The following EYS variants were observed in gnomAD, a reference collection of about 807,000 sequenced individuals.
EYS encodes EGF-like photoreceptor maintenance factor.
In EYS, 250 loss-of-function variants were observed where a neutral mutation model predicts 282.1. The observed-to-expected ratio is 0.89, with a 90% CI of 0.80 to 0.98. EYS has a LOEUF of 0.98. Ranked by LOEUF, EYS falls within the 50% of genes least tolerant of loss-of-function variation. The probability of loss-of-function intolerance (pLI) is 0.00; values close to 1 mark genes in which losing one functional copy is unlikely to be tolerated. For synonymous variants in EYS, 1,355 were observed against 1,282.9 expected, an observed-to-expected ratio of 1.06 and a Z score of -1.20; for missense variants, 4,016 against 3,709.0, an observed-to-expected ratio of 1.08 and a Z score of -2.15.
chr6:64,403,413 G>A (rs1031041334), intron 28 of EYS, among the ~76,000 whole-genome samples: 1 of 152,002 alleles, frequency 6.6e-6, no homozygotes, highest in African/African-American at 2.4e-5. Context: ...GTGTAGTGCA[G>A]TGGTGCAATC....
intron 7 of EYS, among the ~76,000 whole-genome samples, chr6:65,388,771 A>G (rs1395040061): frequency 6.6e-6 from 1 of 152,088 alleles, no homozygotes; most frequent in Non-Finnish European, 1.5e-5. Flanking sequence ...ATTTTAAAAC[A>G]TATATATTCT....
chr6:65,259,804 A>G (rs1222860188), intron 12 of EYS, among the ~76,000 whole-genome samples: 2 of 152,050 alleles, frequency 1.3e-5, no homozygotes, highest in Admixed American at 6.6e-5. Flanking sequence ...AAATTCAACC[A>G]AAAGTACAGA....
At chr6:65,389,427 C>T (rs1330429440) in intron 7 of EYS, among the ~76,000 whole-genome samples, 2 of 152,234 alleles carry the variant, frequency 1.3e-5, no homozygotes, top group East Asian at 1.9e-4. Flanking sequence ...CACATTCCCT[C>T]GCATCATTCA....
chr6:64,927,177 A>G (rs1768545603), intron 15 of EYS, among the ~76,000 whole-genome samples: 1 of 152,206 alleles, frequency 6.6e-6, no homozygotes, highest in South Asian at 2.1e-4. Flanking sequence ...ATTAGCTCGA[A>G]TAATGTGCTC....
At chr6:65,619,305 C>A (rs1255701696) in intron 2 of EYS, among the ~76,000 whole-genome samples, 1 of 151,422 alleles carries the variant, frequency 6.6e-6, no homozygotes, top group Non-Finnish European at 1.5e-5. Context: ...ATTTTATTCT[C>A]TTTGAAGCAA....
At chr6:64,263,958 T>C (rs182125437) in intron 30 of EYS, among the ~76,000 whole-genome samples, 176 of 152,316 alleles carry the variant, frequency 1.2e-3, no homozygotes, top group African/African-American at 4.1e-3. Context: ...AGTGCTTTAA[T>C]ATGTAGGACT....
At chr6:65,650,757 C>G (rs1767623675) in intron 1 of EYS, among the ~76,000 whole-genome samples, 1 of 152,162 alleles carries the variant, frequency 6.6e-6, no homozygotes, top group Admixed American at 6.6e-5. Flanking sequence ...AAAAACAGCT[C>G]TAGCTGCTGA....
At chr6:65,047,962 G>T (rs1352280769) in intron 13 of EYS, among the ~76,000 whole-genome samples, 1 of 151,714 alleles carries the variant, frequency 6.6e-6, no homozygotes, top group Admixed American at 6.6e-5. Flanking sequence ...GGGAAATGAG[G>T]TGATAAATGT....
intron 30 of EYS, among the ~76,000 whole-genome samples, chr6:64,301,269 G>T (rs537930310): frequency 4.2e-4 from 64 of 152,282 alleles, no homozygotes; most frequent in African/African-American, 1.4e-3. Context: ...CTACTGATAG[G>T]TTGCAAAATC....
At chr6:64,615,574 A>AATAC in intron 24 of EYS, among the ~76,000 whole-genome samples, 1 of 152,254 alleles carries the variant, frequency 6.6e-6, no homozygotes, top group East Asian at 1.9e-4. Context: ...ATTTAGAGTA[A>AATAC]ATACATACTG....
chr6:65,572,643 C>T (rs2127353702), intron 2 of EYS, among the ~76,000 whole-genome samples: 1 of 152,092 alleles, frequency 6.6e-6, no homozygotes, highest in East Asian at 1.9e-4. Context: ...CAGGCGATAC[C>T]ATGTAGTCTA....
chr6:64,009,379 G>T (rs984739705), intron 33 of EYS, among the ~76,000 whole-genome samples: 4 of 151,544 alleles, frequency 2.6e-5, no homozygotes, highest in Admixed American at 6.6e-5. Flanking sequence ...CGCCCCCCAG[G>T]TTCATGCCAT....
chr6:64,460,260 C>T (rs1292514613), intron 26 of EYS, among the ~76,000 whole-genome samples: 5 of 152,038 alleles, frequency 3.3e-5, no homozygotes, highest in Admixed American at 3.3e-4. Flanking sequence ...CCTTCAGAAG[C>T]CATTGGATTT....
intron 12 of EYS, among the ~76,000 whole-genome samples, chr6:65,267,243 T>C (rs960476390): frequency 2.0e-5 from 3 of 151,922 alleles, no homozygotes; most frequent in African/African-American, 7.2e-5. Context: ...TATAATATTT[T>C]TCTTGATATT....
intron 12 of EYS, among the ~76,000 whole-genome samples, chr6:65,104,009 T>C (rs564672552): frequency 6.6e-6 from 1 of 151,562 alleles, no homozygotes; most frequent in Non-Finnish European, 1.5e-5. Flanking sequence ...ATCTTGTTGT[T>C]CATGACTCTA....
intron 11 of EYS, chr6:65,329,446 G>GA: frequency 2.1e-6 from 2 of 947,958 alleles, no homozygotes; most frequent in African/African-American, 3.6e-5. Context: ...AATAAAGAGA[G>GA]AAAATATATC....
chr6:64,042,322 G>A (rs1339358901), intron 33 of EYS, among the ~76,000 whole-genome samples: 1 of 152,148 alleles, frequency 6.6e-6, no homozygotes, highest in African/African-American at 2.4e-5. Flanking sequence ...TTGCTTCTCA[G>A]TTAGTAACAG....
In EYS at chr6:65,564,617, A is replaced by C. The variant is rs148456895; in HGVS notation, c.-332-68624T>G. ...CCCCTTCCTTACACCTTATACAAAA[A>C]TTAACTCAAGATGGATTAAAGCTTT... On this transcript the variant is annotated intron_variant, in intron 2 of 42. Transcript: ENST00000503581. Among the ~76,000 whole-genome samples the C allele has an allele frequency of 8.6e-3, 1,303 of 152,288 alleles. 11 individuals are homozygous for C. Among genetic ancestry groups the C allele is most frequent in the Non-Finnish European group, 0.012 (842 of 68,022 alleles).
At chr6:65,699,164 C>T (rs373567349) in intron 1 of EYS, among the ~76,000 whole-genome samples, 23 of 152,130 alleles carry the variant, frequency 1.5e-4, no homozygotes, top group African/African-American at 4.6e-4. Flanking sequence ...TACTTGCATA[C>T]GTATTCGTTT....
Sources: gnomAD v4.1 joint callset for allele counts (sites outside exome capture counted in the v4.1 genomes callset) on GRCh38, gnomAD v4.1.1 for gene constraint, MANE v1.5 for transcripts, NCBI Gene and HGNC (gene_info 2026-07-23, HGNC 2026-07-21) for gene names.